The following RIT2 variants were observed in gnomAD, a reference collection of about 807,000 sequenced individuals.
The protein encoded by RIT2 is Ras like without CAAX 2.
A neutral mutation model predicts 23.7 loss-of-function variants in RIT2; 24 were observed. The ratio of observed to expected loss-of-function variants is 1.01; its 90% CI spans 0.73 to 1.43. RIT2 has a LOEUF of 1.43. Among genes scored for constraint, RIT2 ranks in the 40% most tolerant of loss-of-function variants. RIT2 has a pLI of 0.00. For missense variants in RIT2, 236 were observed against 266.9 expected (o/e 0.88, Z 0.81); for synonymous variants, 107 against 91.1 (o/e 1.17, Z -0.99).
chr18:43,032,463 A>G (rs1170672507), intron 2 of RIT2, among the ~76,000 whole-genome samples: 1 of 152,130 alleles, frequency 6.6e-6, no homozygotes, highest in Non-Finnish European at 1.5e-5. Context: ...CCAACAAGAT[A>G]AAAGATTCAG....
intron 4 of RIT2, chr18:42,920,844 G>C: frequency 2.2e-6 from 2 of 928,596 alleles, no homozygotes; most frequent in Non-Finnish European, 3.5e-6. Flanking sequence ...TAATTTCACC[G>C]TTGAGAGTTT....
At chr18:42,748,614 A>G (rs892712717) in intron 4 of RIT2, among the ~76,000 whole-genome samples, 1 of 152,088 alleles carries the variant, frequency 6.6e-6, no homozygotes, top group Admixed American at 6.6e-5. Flanking sequence ...AAAATAAGTC[A>G]TTATACGAAA....
chr18:43,107,582 T>A (rs142549820), intron 1 of RIT2, among the ~76,000 whole-genome samples: 1,748 of 152,314 alleles, frequency 0.011, 37 homozygotes, highest in African/African-American at 0.039. Flanking sequence ...TTTCTTTGTT[T>A]GCATGATCCC....
At chr18:42,913,471 A>G (rs1035153968) in intron 4 of RIT2, among the ~76,000 whole-genome samples, 15 of 151,960 alleles carry the variant, frequency 9.9e-5, no homozygotes, top group African/African-American at 3.6e-4. Context: ...TTTCCAAGTC[A>G]CATATCTACA....
chr18:42,988,394 T>C (rs1910764588), intron 2 of RIT2, among the ~76,000 whole-genome samples: 1 of 152,320 alleles, frequency 6.6e-6, no homozygotes, highest in African/African-American at 2.4e-5. Flanking sequence ...TCTATAACAA[T>C]TGTATTTCAG....
At chr18:42,833,260 C>T (rs7231491) in intron 4 of RIT2, among the ~76,000 whole-genome samples, 16,322 of 152,132 alleles carry the variant, frequency 0.11, 992 homozygotes, top group Middle Eastern at 0.24. Flanking sequence ...CTATTTCTGA[C>T]TTATTTCACT....
chr18:42,745,234 T>A (rs1455551283), intron 4 of RIT2, among the ~76,000 whole-genome samples: 1 of 152,168 alleles, frequency 6.6e-6, no homozygotes, highest in Non-Finnish European at 1.5e-5. Flanking sequence ...GGACTCTGAA[T>A]AATAAATAGA....
chr18:42,771,042 G>A (rs1438506650), intron 4 of RIT2, among the ~76,000 whole-genome samples: 1 of 152,110 alleles, frequency 6.6e-6, no homozygotes, highest in Non-Finnish European at 1.5e-5. Context: ...GAGCTTCTAT[G>A]ATTCCCACTC....
chr18:43,045,728 T>G lies in RIT2; in HGVS notation c.104-11861A>C, dbSNP rs928664291. 4.6e-5 allele frequency among the ~76,000 whole-genome samples: 7 copies of G among 152,254 alleles called. No homozygotes were observed. The South Asian group carries it at 1.5e-3, about 32-fold the overall frequency. The stretch of plus-strand genomic sequence containing the variant: ...ATTTTTACCTCACCTCTAATATCTT[T>G]TTACCTCCTGCCTGGAACTTCCCAT... On this transcript the variant is annotated intron_variant, in intron 1 of 4. Coordinates refer to ENST00000326695, the MANE Select transcript of RIT2 (RefSeq NM_002930.4).
chr18:42,770,817 AAGAAG>A (rs1913534237), intron 4 of RIT2, among the ~76,000 whole-genome samples: 1 of 152,032 alleles, frequency 6.6e-6, no homozygotes, highest in South Asian at 2.1e-4. Context: ...AAAGAAAGGA[AAGAAG>A]AGAAGGATGG....
At chr18:42,822,143 T>C (rs1598668414) in intron 4 of RIT2, among the ~76,000 whole-genome samples, 1 of 152,282 alleles carries the variant, frequency 6.6e-6, no homozygotes, top group East Asian at 1.9e-4. Context: ...CACTGCCTAA[T>C]ACCATTCATG....
chr18:43,080,024 A>C (rs1913117794), intron 1 of RIT2, among the ~76,000 whole-genome samples: 2 of 152,212 alleles, frequency 1.3e-5, no homozygotes, highest in African/African-American at 4.8e-5. Context: ...GTATTCAAAA[A>C]GTAATTAAAG....
intron 1 of RIT2, among the ~76,000 whole-genome samples, chr18:43,110,590 G>A (rs1426810411): frequency 6.6e-6 from 1 of 152,026 alleles, no homozygotes; most frequent in African/African-American, 2.4e-5. Flanking sequence ...ATTTTTTAGG[G>A]TGGGTGAGTG....
At chr18:42,790,560 C>T (rs1019511951) in intron 4 of RIT2, among the ~76,000 whole-genome samples, 3 of 152,148 alleles carry the variant, frequency 2.0e-5, no homozygotes, top group East Asian at 1.9e-4. Context: ...TACCGAGTAG[C>T]TGGAATTTCA....
At chr18:42,987,944 A>G (rs967474449) in intron 2 of RIT2, among the ~76,000 whole-genome samples, 5 of 152,196 alleles carry the variant, frequency 3.3e-5, no homozygotes, top group Admixed American at 3.3e-4. Context: ...CAAGCCATTT[A>G]TAAGGGATCC....
chr18:42,833,160 T>A (rs1346460865), intron 4 of RIT2, among the ~76,000 whole-genome samples: 1 of 152,084 alleles, frequency 6.6e-6, no homozygotes, highest in African/African-American at 2.4e-5. Context: ...CACACCCTTT[T>A]CAGCCTCTAG....
chr18:42,894,216 T>C (rs929753373), intron 4 of RIT2, among the ~76,000 whole-genome samples: 2 of 152,168 alleles, frequency 1.3e-5, no homozygotes, highest in Non-Finnish European at 2.9e-5. Context: ...GTAAGTGCTT[T>C]GCAAGGCAGC....
At chr18:42,986,719 C>A (rs557997477) in intron 2 of RIT2, among the ~76,000 whole-genome samples, 21 of 151,706 alleles carry the variant, frequency 1.4e-4, no homozygotes, top group Non-Finnish European at 2.6e-4. Context: ...TCAGGCTGGT[C>A]TCAAACTCTT....
intron 4 of RIT2, among the ~76,000 whole-genome samples, chr18:42,818,196 T>C (rs2143987970): frequency 6.6e-6 from 1 of 152,166 alleles, no homozygotes; most frequent in Non-Finnish European, 1.5e-5. Flanking sequence ...AGTTACTAAA[T>C]ATTCCACCAG....
Sources: allele counts gnomAD v4.1 joint callset (sites outside exome capture counted in the v4.1 genomes callset), GRCh38; gene constraint gnomAD v4.1.1; transcripts MANE v1.5; gene names NCBI Gene and HGNC (gene_info 2026-07-23, HGNC 2026-07-21).